FBXO11: variants seen among roughly 807,000 people sequenced by gnomAD.
FBXO11 encodes the protein F-box only protein 11.
A neutral mutation model predicts 117.0 loss-of-function variants in FBXO11; 13 were observed. The ratio of observed to expected loss-of-function variants is 0.11; its 90% CI spans 0.07 to 0.18. FBXO11 has a LOEUF of 0.18. FBXO11 is among the 10% of genes least tolerant of loss of function. The pLI is 1.00. For missense variants in FBXO11, 767 were observed against 1,164.4 expected (o/e 0.66, Z 4.97); for synonymous variants, 490 against 380.5 (o/e 1.29, Z -3.35).
intron 18 of FBXO11, 61 bp downstream of exon 18, chr2:47,813,173 A>T: frequency 6.7e-7 from 1 of 1,485,928 alleles, no homozygotes; most frequent in Non-Finnish European, 9.4e-7. Context: ...ATTGATCATT[A>T]AAGATATGGA....
Position 47,842,881 on chromosome 2 carries a change from A to G in FBXO11, c.233-3112T>C, listed in dbSNP as rs188752570. Among the ~76,000 whole-genome samples, 749 of 152,138 alleles carry G rather than the reference A, an allele frequency of 4.9e-3. 5 individuals carry two copies. The highest frequency in any genetic ancestry group is 0.017 in the African/African-American group (714 of 41,528). On this transcript the variant is annotated intron_variant, in intron 1 of 22. Transcript: ENST00000403359. ...CTGCAGCCTGTATCTCCTGGGCTCA[A>G]GCAGCCCTCCCACCTTGGCCTCTCG...
chr2:47,865,598 C>T (rs1675136109), intron 1 of FBXO11, among the ~76,000 whole-genome samples: 2 of 152,174 alleles, frequency 1.3e-5, no homozygotes, highest in Non-Finnish European at 2.9e-5. Flanking sequence ...GAATAAACTT[C>T]TATCTTGTTA....
chr2:47,899,063 A>T (rs1422514515), intron 1 of FBXO11, among the ~76,000 whole-genome samples: 2 of 152,066 alleles, frequency 1.3e-5, no homozygotes, highest in African/African-American at 4.8e-5. Flanking sequence ...TCACGAGGTC[A>T]GGAGATCGAG....
intron 4 of FBXO11, among the ~76,000 whole-genome samples, chr2:47,837,958 G>C (rs1327303549): frequency 6.6e-6 from 1 of 151,820 alleles, no homozygotes; most frequent in East Asian, 1.9e-4. Flanking sequence ...GGGTGCAATG[G>C]CTCATGCCTA....
At chr2:47,824,759 T>C (rs182865124) in intron 11 of FBXO11, among the ~76,000 whole-genome samples, 46 of 152,330 alleles carry the variant, frequency 3.0e-4, no homozygotes, top group Non-Finnish European at 3.2e-4. Context: ...TGTTTCTTCA[T>C]ACTTTGAATT....
intron 1 of FBXO11, among the ~76,000 whole-genome samples, chr2:47,885,119 T>G (rs1326327659): frequency 6.6e-6 from 1 of 152,126 alleles, no homozygotes; most frequent in Non-Finnish European, 1.5e-5. Flanking sequence ...TAAATGGGCC[T>G]AACAACAACT....
chr2:47,806,978 A>AAATT lies in FBXO11; in HGVS notation c.*1136_*1139dup, dbSNP rs1194177684. ...ACCATTTTTCCATTTTCTTTCTAGG[A>AAATT]AATTAAACCCTTTTAATTCTTATCT... On this transcript the variant is annotated 3_prime_UTR_variant, in exon 23 of 23. Transcript: ENST00000403359. The AAATT allele has an allele frequency of 3.7e-6, 3 of 803,502 alleles. No individual in the cohort carries two copies. Among genetic ancestry groups the AAATT allele is most frequent in the African/African-American group, 3.4e-5 (2 of 58,118 alleles). The allele number at this position is 803,502 out of a possible 1,614,324, so 49.8% of individuals were successfully genotyped here. A position where few individuals can be genotyped will look rare whatever the true frequency, so the allele number is the denominator to read the frequency against.
intron 1 of FBXO11, among the ~76,000 whole-genome samples, chr2:47,886,441 G>T (rs573059352): frequency 6.6e-6 from 1 of 151,590 alleles, no homozygotes. Flanking sequence ...GGGAGGTGGA[G>T]GTTGCAGTGA....
intron 14 of FBXO11, among the ~76,000 whole-genome samples, chr2:47,819,571 T>C (rs1671238049): frequency 6.6e-6 from 1 of 152,174 alleles, no homozygotes; most frequent in African/African-American, 2.4e-5. Context: ...TTTTATACTG[T>C]TCTTTAAGTG....
intron 1 of FBXO11, among the ~76,000 whole-genome samples, chr2:47,849,980 G>A (rs1673732549): frequency 6.6e-6 from 1 of 152,162 alleles, no homozygotes; most frequent in Non-Finnish European, 1.5e-5. Context: ...TTTGGTTTTA[G>A]GAAGATCACC....
intron 1 of FBXO11, among the ~76,000 whole-genome samples, chr2:47,900,452 C>T (rs1678023853): frequency 6.6e-6 from 1 of 151,952 alleles, no homozygotes; most frequent in Non-Finnish European, 1.5e-5. Context: ...GAAAGTATAA[C>T]TAGCATTCCT....
intron 1 of FBXO11, 143 bp from the exon 2 acceptor site, chr2:47,839,912 T>C (rs1459860737): frequency 1.5e-6 from 1 of 646,962 alleles, no homozygotes; most frequent in East Asian, 2.9e-5. Flanking sequence ...GATAGCTATA[T>C]GAAAGAAATG....
chr2:47,903,825 G>A lies in FBXO11; in HGVS notation c.232+1664C>T, dbSNP rs184162240. Among the ~76,000 whole-genome samples, 14 of 152,292 alleles carry A rather than the reference G, an allele frequency of 9.2e-5. No homozygotes were observed. In the East Asian group the frequency reaches 2.5e-3, roughly 27 times the overall value. On this transcript the variant is annotated intron_variant, in intron 1 of 22. Coordinates refer to ENST00000403359, the MANE Select transcript of FBXO11 (RefSeq NM_001190274.2). ...GCATACAGTGGCAATTCTGGAAGAA[G>A]AACATTATTTGAACGGAACATCAGA...
intron 1 of FBXO11, among the ~76,000 whole-genome samples, chr2:47,844,328 T>C (rs1673240455): frequency 6.6e-6 from 1 of 152,202 alleles, no homozygotes; most frequent in African/African-American, 2.4e-5. Flanking sequence ...ATTTGACTAG[T>C]GGGCACTTTT....
intron 1 of FBXO11, among the ~76,000 whole-genome samples, chr2:47,840,022 C>T (rs1234040976): frequency 2.6e-5 from 4 of 151,906 alleles, no homozygotes; most frequent in Non-Finnish European, 4.4e-5. Flanking sequence ...CGGCTCACTG[C>T]AAGCTCCGCC....
intron 1 of FBXO11, among the ~76,000 whole-genome samples, chr2:47,900,594 ATACACACG>A (rs1558486180): frequency 3.9e-5 from 5 of 127,282 alleles, no homozygotes; most frequent in Admixed American, 7.5e-5. Context: ...ATATACGTAT[ATACACACG>A]TATACACACG....
Position 47,808,093 on chromosome 2 carries a change from A to T in FBXO11, c.*25T>A. 6.3e-7 allele frequency: 1 copy of T among 1,585,094 alleles called. No homozygotes were observed. The highest frequency in any genetic ancestry group is 8.6e-7 in the Non-Finnish European group (1 of 1,165,526). On this transcript the variant is annotated 3_prime_UTR_variant, in exon 23 of 23. Transcript: ENST00000403359. ...TTTTAAGTTATGATGTTACAATGGCAGGACTTTTTCTTTAGGGAAGGAATT... is the reference window on the plus strand; with the variant it reads ...TTTTAAGTTATGATGTTACAATGGCTGGACTTTTTCTTTAGGGAAGGAATT...
At chr2:47,830,625 C>T (rs1672107366) in intron 11 of FBXO11, among the ~76,000 whole-genome samples, 1 of 152,002 alleles carries the variant, frequency 6.6e-6, no homozygotes, top group Admixed American at 6.6e-5. Context: ...CTCATTAATC[C>T]TTAATGGAAA....
At chr2:47,891,142 T>A (rs1235474994) in intron 1 of FBXO11, among the ~76,000 whole-genome samples, 1 of 152,130 alleles carries the variant, frequency 6.6e-6, no homozygotes, top group Non-Finnish European at 1.5e-5. Context: ...TACTTTATTC[T>A]CATACATGAA....
Sources: gnomAD v4.1 joint callset for allele counts (sites outside exome capture counted in the v4.1 genomes callset) on GRCh38, gnomAD v4.1.1 for gene constraint, MANE v1.5 for transcripts, NCBI Gene and HGNC (gene_info 2026-07-23, HGNC 2026-07-21) for gene names.